The following SPRED2 variants were observed in gnomAD, a reference collection of about 807,000 sequenced individuals.
SPRED2 encodes the protein sprouty related EVH1 domain containing 2, also known as sprouty-related, EVH1 domain-containing protein 2.
Under a neutral mutation model 43.0 loss-of-function variants are expected in SPRED2, and 47 were observed. The ratio of observed to expected loss-of-function variants is 1.09; its 90% confidence interval spans 0.87 to 1.40. The LOEUF (loss-of-function observed/expected upper bound fraction) is 1.40, where lower values mean the gene tolerates loss of function less well. SPRED2 is among the 40% of genes most tolerant of loss of function. The pLI, the probability that SPRED2 is intolerant of heterozygous loss-of-function variation, is 0.00. For missense variants in SPRED2, 561 were observed against 586.4 expected, an observed-to-expected ratio of 0.96 and a Z score of 0.45; for synonymous variants, 225 against 225.7, an observed-to-expected ratio of 1.00 and a Z score of 0.03.
chr2:65,341,146 C>G (rs1674172966), intron 2 of SPRED2, among the ~76,000 whole-genome samples: 1 of 147,966 alleles, frequency 6.8e-6, no homozygotes, highest in African/African-American at 2.5e-5. Context: ...CATGAGTGTG[C>G]TGGGTATGGG....
intron 4 of SPRED2, among the ~76,000 whole-genome samples, chr2:65,326,609 C>T (rs2104176260): frequency 6.6e-6 from 1 of 152,282 alleles, no homozygotes; most frequent in Non-Finnish European, 1.5e-5. Context: ...ACATTATCCT[C>T]TCTCTAGGAC....
chr2:65,328,786 T>C (rs1279454683), intron 4 of SPRED2, among the ~76,000 whole-genome samples: 1 of 152,152 alleles, frequency 6.6e-6, no homozygotes, highest in Non-Finnish European at 1.5e-5. Context: ...AAGAAAACAC[T>C]TAGAAAGCCA....
chr2:65,402,648 T>C (rs929287559), intron 1 of SPRED2, among the ~76,000 whole-genome samples: 2 of 152,086 alleles, frequency 1.3e-5, no homozygotes, highest in Non-Finnish European at 1.5e-5. Context: ...AAAGCAGGCA[T>C]AGTGAAGGCA....
At chr2:65,363,010 T>G (rs12105436) in intron 1 of SPRED2, among the ~76,000 whole-genome samples, 16,587 of 70,216 alleles carry the variant, frequency 0.24, 1,413 homozygotes, top group Non-Finnish European at 0.28. Context: ...GTTTTGTTTT[T>G]TTTTTTTTTT....
chr2:65,356,275 GAT>G (rs1349650021), intron 1 of SPRED2, among the ~76,000 whole-genome samples: 19 of 152,172 alleles, frequency 1.2e-4, no homozygotes, highest in African/African-American at 4.3e-4. Flanking sequence ...TAGATGGATA[GAT>G]ATGTGTATGA....
chr2:65,384,047 G>A (rs1366795449), intron 1 of SPRED2, among the ~76,000 whole-genome samples: 1 of 152,146 alleles, frequency 6.6e-6, no homozygotes, highest in African/African-American at 2.4e-5. Flanking sequence ...CTGCCTCGCT[G>A]CCACTGGCTG....
chr2:65,311,904 TC>T lies in SPRED2; in HGVS notation c.*1596del. ...AAGTCCCTTTCCTTGAAGACTGGTG[TC>T]CTGTGTGCAATAAAGAAGGAGTGGG... is the stretch of plus-strand genomic sequence containing the variant. On this transcript the variant is annotated 3_prime_UTR_variant, in exon 6 of 6. Transcript: ENST00000356388. The T allele has an allele frequency of 1.0e-6, 1 of 985,368 alleles. No homozygotes were observed. The highest frequency in any genetic ancestry group is 1.2e-6 in the Non-Finnish European group (1 of 829,926). The allele number at this position is 985,368 out of a possible 1,614,324, so 61.0% of individuals were successfully genotyped here.
chr2:65,334,572 G>C (rs778296138), intron 3 of SPRED2, 33 bp downstream of exon 3: 20 of 1,604,864 alleles, frequency 1.2e-5, no homozygotes, highest in Non-Finnish European at 1.7e-5. Context: ...CATTTCCATA[G>C]TCCCACTAAG....
chr2:65,427,383 C>T (rs1676581390), intron 1 of SPRED2, among the ~76,000 whole-genome samples: 1 of 152,156 alleles, frequency 6.6e-6, no homozygotes, highest in Admixed American at 6.5e-5. Flanking sequence ...TCTAATTCTG[C>T]ACAGTCAACT....
intron 1 of SPRED2, among the ~76,000 whole-genome samples, chr2:65,422,618 G>A (rs528287325): frequency 6.6e-6 from 1 of 151,496 alleles, no homozygotes; most frequent in African/African-American, 2.4e-5. Context: ...TTGCAACTGG[G>A]GCCTAAGTAC....
chr2:65,309,784 A>G (rs1261816053), downstream of SPRED2, among the ~76,000 whole-genome samples: 2 of 152,174 alleles, frequency 1.3e-5, no homozygotes, highest in Non-Finnish European at 2.9e-5. Flanking sequence ...AAGACAAACT[A>G]TACCTGAGGC....
intron 3 of SPRED2, 35 bp downstream of exon 3, chr2:65,334,570 T>G (rs138844934): frequency 6.2e-7 from 1 of 1,600,618 alleles, no homozygotes; most frequent in Non-Finnish European, 8.5e-7. Flanking sequence ...AACATTTCCA[T>G]AGTCCCACTA....
At position 65,316,007 on chromosome 2, in the gene SPRED2, C is replaced by A. The variant is rs372651594; in HGVS notation, c.588+727G>T. On this transcript the variant is annotated intron_variant, in intron 5 of 5. Transcript: ENST00000356388. ...ATTTTAATCCCAAAATATTAGGAAG[C>A]ACAATCTAAAATAATTTTTTTAAAA... Among the ~76,000 whole-genome samples the A allele has an allele frequency of 8.3e-4, 126 of 152,306 alleles. 2 individuals are homozygous for A. In the South Asian group the frequency reaches 0.026, roughly 31 times the overall value.
intron 1 of SPRED2, among the ~76,000 whole-genome samples, chr2:65,375,438 C>T (rs1558675330): frequency 1.3e-5 from 2 of 152,060 alleles, no homozygotes; most frequent in Non-Finnish European, 2.9e-5. Flanking sequence ...AGCACTCATC[C>T]TCATAATAGT....
intron 2 of SPRED2, among the ~76,000 whole-genome samples, chr2:65,338,911 G>A (rs1674073179): frequency 6.6e-6 from 1 of 150,924 alleles, no homozygotes; most frequent in Non-Finnish European, 1.5e-5. Flanking sequence ...CTGCCCGGCA[G>A]CCCATCGTCT....
Position 65,316,765 on chromosome 2 carries a change from G to C in SPRED2, c.557C>G (p.Ser186Ter). The part of the protein sequence containing the change: ...RIYTLGHLHD[S>*]YPTDHYHLDQ... ...GAGGTGATAGTGGTCTGTGGGGTAT[G>C]AGTCGTGGAGGTGGCCCAGGGTATA... The change falls in exon 5 of 6, where the codon TCA (serine) becomes TGA (stop). Residue 186 changes from serine (S) to a stop codon, truncating the protein, a stop_gained. Transcript: ENST00000356388. LOFTEE classifies it high-confidence loss of function. 6.2e-7 allele frequency: 1 copy of C among 1,612,380 alleles called. No homozygotes were observed. The highest frequency in any genetic ancestry group is 8.5e-7 in the Non-Finnish European group (1 of 1,179,446).
At chr2:65,339,488 G>A (rs1439894178) in intron 2 of SPRED2, among the ~76,000 whole-genome samples, 2 of 150,866 alleles carry the variant, frequency 1.3e-5, no homozygotes, top group Admixed American at 6.6e-5. Flanking sequence ...GATTAAGGGC[G>A]GTGCAAGATG....
chr2:65,352,121 C>T (rs890763356), intron 1 of SPRED2, among the ~76,000 whole-genome samples: 9 of 152,196 alleles, frequency 5.9e-5, no homozygotes, highest in Admixed American at 5.9e-4. Context: ...ACAGTGTTAA[C>T]GAAAGCTCAT....
intron 4 of SPRED2, among the ~76,000 whole-genome samples, chr2:65,321,952 T>C (rs2104149228): frequency 6.6e-6 from 1 of 152,084 alleles, no homozygotes; most frequent in African/African-American, 2.4e-5. Flanking sequence ...TTTTGATTTT[T>C]TTAGTAGAGA....
Sources: gnomAD v4.1 joint callset for allele counts (sites outside exome capture counted in the v4.1 genomes callset) on GRCh38, gnomAD v4.1.1 for gene constraint, MANE v1.5 for transcripts, NCBI Gene and HGNC (gene_info 2026-07-23, HGNC 2026-07-21) for gene names.